U2SURP: variants seen among roughly 807,000 people sequenced by gnomAD.
U2SURP encodes the protein U2 snRNP associated SURP domain containing.
A neutral mutation model predicts 144.9 loss-of-function variants in U2SURP; 9 were observed. The observed-to-expected ratio is 0.06, with a 90% CI of 0.04 to 0.11. The LOEUF (loss-of-function observed/expected upper bound fraction) is 0.11. Among genes scored for constraint, U2SURP ranks in the 10% least tolerant of loss-of-function variants. The pLI, the probability that U2SURP is intolerant of heterozygous loss-of-function variation, is 1.00. For synonymous variants in U2SURP, 408 were observed against 396.8 expected (o/e 1.03, Z -0.33); for missense variants, 724 against 1,226.7 (o/e 0.59, Z 6.12).
At chr3:143,018,647 A>G (rs1304977430) in intron 6 of U2SURP, among the ~76,000 whole-genome samples, 1 of 151,948 alleles carries the variant, frequency 6.6e-6, no homozygotes, top group Non-Finnish European at 1.5e-5. Context: ...AGTTTTTCCA[A>G]AGTGGTTGTA....
At chr3:143,016,449 A>C (rs1485823355) in intron 5 of U2SURP, 78 bp downstream of exon 5, 1 of 1,233,978 alleles carries the variant, frequency 8.1e-7, no homozygotes, top group Middle Eastern at 2.0e-4. Context: ...TGGTTGAATG[A>C]CTGCAGGTAG....
At chr3:143,046,938 G>A (rs1187879271) in intron 24 of U2SURP, among the ~76,000 whole-genome samples, 8 of 83,268 alleles carry the variant, frequency 9.6e-5, no homozygotes, top group South Asian at 3.8e-4. Flanking sequence ...GCGGCTGGCC[G>A]GGCAGGGGGC....
chr3:143,047,042 G>T, intron 24 of U2SURP, among the ~76,000 whole-genome samples: 1 of 132,570 alleles, frequency 7.5e-6, no homozygotes, highest in Admixed American at 7.1e-5. Context: ...TGGCCAGGCG[G>T]GGGACTGACC....
intron 25 of U2SURP, among the ~76,000 whole-genome samples, chr3:143,051,784 T>C (rs192563374): frequency 2.6e-5 from 4 of 152,200 alleles, no homozygotes; most frequent in Non-Finnish European, 5.9e-5. Flanking sequence ...CTAGTACTGC[T>C]CTCTGCTGTG....
Position 143,016,384 on chromosome 3 carries a change from A to C in U2SURP, c.436+13A>C. Reference sequence around the variant, plus strand: ...AATGCAGCTAAAGGTAAGTTTATAAAGTATAACTGCTAATAAAGCATAACT... The same window carrying C: ...AATGCAGCTAAAGGTAAGTTTATAACGTATAACTGCTAATAAAGCATAACT... On this transcript the variant is annotated intron_variant, in intron 5 of 27. Coordinates refer to ENST00000473835, the MANE Select transcript of U2SURP (RefSeq NM_001080415.2). 1 of 1,603,712 alleles carries C rather than the reference A, an allele frequency of 6.2e-7. No individual in the cohort carries two copies. Among genetic ancestry groups the C allele is most frequent in the Non-Finnish European group, 8.5e-7 (1 of 1,171,584 alleles).
At chr3:143,028,438 ACT>A (rs542508624) in intron 15 of U2SURP, 32 bp downstream of exon 15, 158 of 1,610,082 alleles carry the variant, frequency 9.8e-5, no homozygotes, top group Non-Finnish European at 1.2e-4. Context: ...GTTAATTTTG[ACT>A]CTGAGTAATT....
At chr3:143,045,993 C>T (rs575848046) in intron 24 of U2SURP, among the ~76,000 whole-genome samples, 252 of 152,260 alleles carry the variant, frequency 1.7e-3, no homozygotes, top group Non-Finnish European at 2.3e-3. Flanking sequence ...ATATCCATTT[C>T]GAGATTTAGA....
At chr3:143,020,062 CTA>C (rs1560182789) in intron 7 of U2SURP, 26 bp downstream of exon 7, 1 of 1,390,628 alleles carries the variant, frequency 7.2e-7, no homozygotes, top group Admixed American at 2.5e-5. Flanking sequence ...TGGAGAATAA[CTA>C]TCATAGGTGT....
chr3:143,007,301 T>TC (rs1308336563), intron 1 of U2SURP, among the ~76,000 whole-genome samples: 6 of 151,858 alleles, frequency 4.0e-5, no homozygotes, highest in African/African-American at 1.5e-4. Flanking sequence ...TTTTTTTTTT[T>TC]CCAGAGACAG....
intron 6 of U2SURP, among the ~76,000 whole-genome samples, chr3:143,017,680 G>A (rs775606388): frequency 4.6e-5 from 7 of 151,902 alleles, no homozygotes; most frequent in Non-Finnish European, 8.8e-5. Context: ...GAGTGTAGTA[G>A]TGTGATTACG....
chr3:143,003,880 C>CG (rs1210097643), intron 1 of U2SURP, among the ~76,000 whole-genome samples: 4 of 151,782 alleles, frequency 2.6e-5, no homozygotes, highest in Non-Finnish European at 2.9e-5. Flanking sequence ...TTAGTAGAGA[C>CG]GGGGTTTCAC....
At chr3:143,026,591 A>T (rs1487663391) in intron 13 of U2SURP, 1 of 152,196 alleles carries the variant, frequency 6.6e-6, no homozygotes, top group African/African-American at 2.4e-5. Context: ...TGGTGTGTGT[A>T]CCAGAAAAAC....
At chr3:143,020,404 T>C (rs1024630193) in intron 7 of U2SURP, among the ~76,000 whole-genome samples, 195 bp from the exon 8 acceptor site, 3 of 152,182 alleles carry the variant, frequency 2.0e-5, no homozygotes, top group Non-Finnish European at 4.4e-5. Flanking sequence ...TTGTGTTCCA[T>C]TGGTAGTATG....
At position 143,038,119 on chromosome 3, in the gene U2SURP, G is replaced by A; in HGVS notation, c.2233G>A (p.Glu745Lys). 1 of 1,602,902 alleles carries A rather than the reference G, an allele frequency of 6.2e-7. No homozygotes were observed. Among genetic ancestry groups the A allele is most frequent in the Non-Finnish European group, 8.5e-7 (1 of 1,175,292 alleles). ...DLDGVPLDAT[E>K]DSKKNEPIFK... ...TCTTTCCCTAATAGTGGATGCAACT[G>A]AAGACTCAAAAAAGAATGAGCCTAT... The change falls in exon 22 of 28, where the codon GAA becomes AAA. Residue 745 changes from glutamate (E) to lysine (K), a missense_variant. This residue lies in a region of U2SURP where 116 missense variants were observed against 167.9 expected (regional missense o/e 0.69). Transcript: ENST00000473835.
intron 16 of U2SURP, among the ~76,000 whole-genome samples, chr3:143,032,293 G>A (rs1933546463): frequency 1.3e-5 from 2 of 152,080 alleles, no homozygotes; most frequent in African/African-American, 4.8e-5. Flanking sequence ...GGATGGTCTT[G>A]ATCTCTTGAC....
chr3:143,010,867 TA>T lies in U2SURP; in HGVS notation c.90+9del, dbSNP rs749371294. The T allele has an allele frequency of 1.5e-5, 24 of 1,600,948 alleles. No individual in the cohort carries two copies. In the African/African-American group the frequency reaches 2.8e-4, roughly 19 times the overall value. On this transcript the variant is annotated intron_variant, in intron 2 of 27. Coordinates refer to ENST00000473835, the MANE Select transcript of U2SURP (RefSeq NM_001080415.2). ...GGATCTTCAGATGCACATGTGAGTA[TA>T]GAAGGCAATCTTTGTCTTTTTTCCT...
chr3:143,030,568 A>G (rs1297525076), intron 16 of U2SURP, among the ~76,000 whole-genome samples: 1 of 152,228 alleles, frequency 6.6e-6, no homozygotes, highest in African/African-American at 2.4e-5. Context: ...AGTTGTTTTC[A>G]TGCCTGTTAA....
intron 1 of U2SURP, chr3:143,002,395 G>A (rs1171776823): frequency 6.6e-6 from 1 of 152,280 alleles, no homozygotes; most frequent in East Asian, 1.9e-4. Flanking sequence ...TTGCATTTGT[G>A]TTTACAGGGA....
In U2SURP at chr3:143,019,902, CTTA is replaced by C. The variant is rs912557472; in HGVS notation, c.571-61_571-59del. On this transcript the variant is annotated intron_variant, in intron 6 of 27. Transcript: ENST00000473835. ...TGTACTGAAATGATGTAAAAAGGCT[CTTA>C]TTATTGAATCATTGGTTTTGCTTAT... is the stretch of plus-strand genomic sequence containing the variant. 8.3e-5 allele frequency: 69 copies of C among 831,790 alleles called. No individual in the cohort carries two copies. In the African/African-American group the frequency reaches 1.1e-3, roughly 13 times the overall value. 51.5% of individuals were successfully genotyped at this position (831,790 alleles called of 1,614,324 possible).
Sources: allele counts gnomAD v4.1 joint callset (sites outside exome capture counted in the v4.1 genomes callset), GRCh38; gene constraint gnomAD v4.1.1; regional missense constraint gnomAD v4.1.1; transcripts MANE v1.5; gene names NCBI Gene and HGNC (gene_info 2026-07-23, HGNC 2026-07-21).